Variants in ARHGEF10 observed in about 807,000 individuals in gnomAD.
ARHGEF10 encodes Rho guanine nucleotide exchange factor 10, also known as Rho guanine nucleotide exchange factor (GEF) 10.
Under a neutral mutation model 147.4 loss-of-function variants are expected in ARHGEF10, and 140 were observed. The observed-to-expected ratio is 0.95, with a 90% CI of 0.83 to 1.09. The LOEUF (loss-of-function observed/expected upper bound fraction) is 1.09. ARHGEF10 is among the 50% of genes least tolerant of loss of function. The probability of loss-of-function intolerance (pLI) is 0.00; values close to 1 mark genes in which losing one functional copy is unlikely to be tolerated. For missense variants in ARHGEF10, 2,222 were observed against 1,752.7 expected, an observed-to-expected ratio of 1.27 and a Z score of -4.78; for synonymous variants, 902 against 695.8, an observed-to-expected ratio of 1.30 and a Z score of -4.67.
chr8:1,944,946 G>A (rs111702691), intron 26 of ARHGEF10, among the ~76,000 whole-genome samples: 4 of 152,266 alleles, frequency 2.6e-5, no homozygotes, highest in African/African-American at 9.6e-5. Flanking sequence ...GCAGGCCGCT[G>A]GGATGCACTT....
intron 18 of ARHGEF10, among the ~76,000 whole-genome samples, chr8:1,909,705 T>TG: frequency 6.6e-6 from 1 of 152,234 alleles, no homozygotes; most frequent in Non-Finnish European, 1.5e-5. Flanking sequence ...GTTCGGGCCG[T>TG]GCACCTGGCC....
At chr8:1,857,712 C>G (rs1470060845) in intron 2 of ARHGEF10, among the ~76,000 whole-genome samples, 1 of 77,940 alleles carries the variant, frequency 1.3e-5, no homozygotes, top group Non-Finnish European at 2.4e-5. Context: ...GCTACCACCC[C>G]CAGCCTCTTG....
chr8:1,932,924 C>A (rs1035846240), intron 25 of ARHGEF10, among the ~76,000 whole-genome samples: 1 of 152,118 alleles, frequency 6.6e-6, no homozygotes, highest in African/African-American at 2.4e-5. Context: ...AAGGTCGATG[C>A]CTTAATTAAT....
At chr8:1,947,847 C>T (rs6984792) in intron 27 of ARHGEF10, among the ~76,000 whole-genome samples, 141,710 of 150,478 alleles carry the variant, frequency 0.94, 66,753 homozygotes, top group East Asian at 1. Context: ...GTTCTTGATG[C>T]TTTGTTTTAG....
At chr8:1,952,300 G>A (rs926935956) in intron 27 of ARHGEF10, among the ~76,000 whole-genome samples, 1 of 152,226 alleles carries the variant, frequency 6.6e-6, no homozygotes, top group African/African-American at 2.4e-5. Context: ...TTGTAAAGGG[G>A]TCTCTCTGCT....
At chr8:1,922,819 T>C (rs1812398043) in intron 18 of ARHGEF10, 145 bp from the exon 19 acceptor site, 4 of 637,956 alleles carry the variant, frequency 6.3e-6, no homozygotes, top group South Asian at 3.8e-5. Context: ...CACTAAATGC[T>C]TGAAAATGTC....
intron 1 of ARHGEF10, among the ~76,000 whole-genome samples, chr8:1,826,874 A>G (rs1476962335): frequency 2.0e-5 from 3 of 152,246 alleles, no homozygotes; most frequent in Admixed American, 1.3e-4. Context: ...GAAATAAGAC[A>G]GAAGGGAAGC....
Position 1,894,561 on chromosome 8 carries a change from T to G in ARHGEF10, c.1429T>G (p.Phe477Val). 5 of 1,614,092 alleles carry G rather than the reference T, an allele frequency of 3.1e-6. No individual in the cohort carries two copies. Among genetic ancestry groups the G allele is most frequent in the Non-Finnish European group, 4.2e-6 (5 of 1,179,980 alleles). ...WDSVEMIGDVFVASFSKSMVL... is the reference protein window; with the variant it reads ...WDSVEMIGDVVVASFSKSMVL... ...CTCCGTGGAAATGATAGGCGATGTCTTCGTGGCTTCGGTAATTAAGCTGGG... is the reference window on the plus strand; with the variant it reads ...CTCCGTGGAAATGATAGGCGATGTCGTCGTGGCTTCGGTAATTAAGCTGGG... The change falls in exon 13 of 29, where the codon TTC (phenylalanine) becomes GTC (valine). Residue 477 changes from phenylalanine to valine, a missense_variant. Coordinates refer to ENST00000349830, the MANE Select transcript of ARHGEF10 (RefSeq NM_014629.4).
intron 2 of ARHGEF10, among the ~76,000 whole-genome samples, chr8:1,857,653 T>C (rs1563184993): frequency 1.3e-5 from 2 of 152,038 alleles, no homozygotes; most frequent in African/African-American, 4.8e-5. Context: ...CTTCTTACCT[T>C]GTGATCTGCC....
At chr8:1,880,671 C>T (rs757346164) in intron 9 of ARHGEF10, among the ~76,000 whole-genome samples, 7 of 152,136 alleles carry the variant, frequency 4.6e-5, no homozygotes, top group Non-Finnish European at 7.3e-5. Context: ...CGTCCAGGGC[C>T]CCTGAGACCG....
chr8:1,869,149 G>T (rs765205237), intron 6 of ARHGEF10, 45 bp from the exon 7 acceptor site: 34 of 1,558,980 alleles, frequency 2.2e-5, no homozygotes, highest in South Asian at 5.6e-5. Context: ...ATTGCACTAG[G>T]TTTTGTTGGT....
chr8:1,934,494 C>T (rs982283181), intron 26 of ARHGEF10, among the ~76,000 whole-genome samples: 10 of 151,908 alleles, frequency 6.6e-5, no homozygotes, highest in African/African-American at 1.7e-4. Flanking sequence ...GTAAAAGAAA[C>T]ATTGCTTTAA....
chr8:1,945,928 A>G (rs1814552174), intron 27 of ARHGEF10: 2 of 608,346 alleles, frequency 3.3e-6, no homozygotes, highest in Non-Finnish European at 5.8e-6. Flanking sequence ...TGGCAGTGCC[A>G]TCTCTGTAGG....
In ARHGEF10 at chr8:1,880,280, C is replaced by G. The variant is rs976054447; in HGVS notation, c.960+116C>G. On this transcript the variant is annotated intron_variant, in intron 9 of 28. Coordinates refer to ENST00000349830, the MANE Select transcript of ARHGEF10 (RefSeq NM_014629.4). ...GCGGTTCTCAAAGGGTGGTCCGGGG[C>G]TCCTGGAATCCCCCGACGCTTTGGG... 4.0e-6 allele frequency: 3 copies of G among 747,422 alleles called. No individual in the cohort carries two copies. In the East Asian group the frequency reaches 7.9e-5, roughly 20 times the overall value. The allele number at this position is 747,422 out of a possible 1,614,324, so 46.3% of individuals were successfully genotyped here. A position where few individuals can be genotyped will look rare whatever the true frequency, so the allele number is the denominator to read the frequency against.
At chr8:1,903,007 G>T (rs982705675) in intron 15 of ARHGEF10, among the ~76,000 whole-genome samples, 2 of 152,160 alleles carry the variant, frequency 1.3e-5, no homozygotes, top group African/African-American at 4.8e-5. Context: ...CAAGTGCACA[G>T]TATTTCTGAG....
At chr8:1,901,166 G>T (rs539688553) in intron 15 of ARHGEF10, among the ~76,000 whole-genome samples, 25 of 152,184 alleles carry the variant, frequency 1.6e-4, no homozygotes, top group African/African-American at 5.8e-4. Context: ...CACCCGGGAT[G>T]GGGCGAGGAG....
chr8:1,882,901 C>T (rs1808340268), intron 10 of ARHGEF10, 152 bp downstream of exon 10: 1 of 738,576 alleles, frequency 1.4e-6, no homozygotes, highest in Admixed American at 2.2e-5. Context: ...TGAATCAGCC[C>T]TGCTGACCCC....
chr8:1,880,908 G>A (rs1003719311), intron 9 of ARHGEF10, among the ~76,000 whole-genome samples: 2 of 152,200 alleles, frequency 1.3e-5, no homozygotes, highest in African/African-American at 4.8e-5. Context: ...GCCATCAGAA[G>A]CCACAGCCAC....
At chr8:1,943,426 C>G (rs1814270997) in intron 26 of ARHGEF10, among the ~76,000 whole-genome samples, 1 of 152,066 alleles carries the variant, frequency 6.6e-6, no homozygotes, top group East Asian at 1.9e-4. Flanking sequence ...TGCACACCTT[C>G]TCCTCTGTGA....
Sources: gnomAD v4.1 joint callset for allele counts (sites outside exome capture counted in the v4.1 genomes callset) on GRCh38, gnomAD v4.1.1 for gene constraint, MANE v1.5 for transcripts, NCBI Gene and HGNC (gene_info 2026-07-23, HGNC 2026-07-21) for gene names.